Variants in DST observed in about 807,000 individuals in gnomAD.
The protein encoded by DST is bullous pemphigoid antigen.
DST carries 253 observed loss-of-function variants against 875.2 expected under a neutral mutation model. That is an observed-to-expected ratio of 0.29 (90% CI 0.26 to 0.32). The LOEUF is 0.32. DST is among the 10% of genes least tolerant of loss of function. The pLI is 1.00. For synonymous variants in DST, 3,124 were observed against 3,197.1 expected (o/e 0.98, Z 0.77); for missense variants, 8,287 against 9,111.6 (o/e 0.91, Z 3.68).
intron 3 of DST, among the ~76,000 whole-genome samples, chr6:56,872,873 C>A (rs1193993408): frequency 2.0e-4 from 25 of 127,076 alleles, no homozygotes; most frequent in Non-Finnish European, 3.7e-4. Context: ...GTGGGAACTA[C>A]TATATGCTAG....
At chr6:56,520,046 G>C (rs2096666360) in intron 69 of DST, among the ~76,000 whole-genome samples, 1 of 151,992 alleles carries the variant, frequency 6.6e-6, no homozygotes, top group South Asian at 2.1e-4. Context: ...CAAAGAAAAA[G>C]AATATACAGT....
rs371898001 is a variant in DST, at chr6:56,604,902, G to T, written c.9726C>A (p.Ile3242=). The T allele has an allele frequency of 8.1e-6, 13 of 1,612,346 alleles. No homozygotes were observed. The Admixed American group carries it at 2.2e-4, about 27-fold the overall frequency. The change falls in exon 40 of 104, where the codon ATC becomes ATA. Residue 3242 remains isoleucine (I), a synonymous_variant. Transcript: ENST00000680361. ...TQKDSPLNDM[I]QSNDLCSKES... ...CTTTACTACAAAGATCATTGCTTTG[G>T]ATCATGTCATTAAGAGGTGAGTCTT...
intron 27 of DST, 101 bp downstream of exon 27, chr6:56,634,031 G>A (rs1006206572): frequency 5.5e-5 from 74 of 1,348,424 alleles, no homozygotes; most frequent in Middle Eastern, 1.8e-4. Context: ...TGGATTTGCC[G>A]GACTCCATCC....
intron 4 of DST, among the ~76,000 whole-genome samples, chr6:56,801,915 A>G (rs1458033062): frequency 6.6e-6 from 1 of 151,732 alleles, no homozygotes; most frequent in Non-Finnish European, 1.5e-5. Flanking sequence ...ACACCTGGCT[A>G]ATTTTTGTAT....
intron 4 of DST, among the ~76,000 whole-genome samples, chr6:56,834,063 A>G (rs1167167801): frequency 1.3e-5 from 2 of 152,158 alleles, no homozygotes; most frequent in African/African-American, 4.8e-5. Flanking sequence ...CCCTGTCTCT[A>G]TATAACATAA....
chr6:56,656,683 G>C (rs1231590406), intron 10 of DST, among the ~76,000 whole-genome samples: 1 of 152,136 alleles, frequency 6.6e-6, no homozygotes, highest in African/African-American at 2.4e-5. Context: ...TACAGAGCCT[G>C]ATTTCTTCTC....
chr6:56,912,290 G>C (rs1013430611), intron 2 of DST, among the ~76,000 whole-genome samples: 2 of 151,978 alleles, frequency 1.3e-5, no homozygotes, highest in African/African-American at 4.8e-5. Flanking sequence ...CTCTAATCCT[G>C]ACCTGTCTAA....
At chr6:56,761,306 C>G (rs577516287) in intron 4 of DST, among the ~76,000 whole-genome samples, 59 of 152,172 alleles carry the variant, frequency 3.9e-4, no homozygotes, top group African/African-American at 1.4e-3. Flanking sequence ...AGTTATTAAA[C>G]GCTTACTGAT....
intron 99 of DST, among the ~76,000 whole-genome samples, chr6:56,465,374 G>T (rs1438646764): frequency 6.6e-6 from 1 of 152,020 alleles, no homozygotes; most frequent in African/African-American, 2.4e-5. Context: ...TTTTTTCTTG[G>T]GGGGGAAGAA....
chr6:56,881,757 C>T (rs1004430476), intron 3 of DST, among the ~76,000 whole-genome samples: 8 of 151,832 alleles, frequency 5.3e-5, no homozygotes, highest in African/African-American at 1.7e-4. Context: ...AAAATTTAAT[C>T]CAAGTGATAT....
intron 4 of DST, among the ~76,000 whole-genome samples, chr6:56,776,811 C>T (rs1470706586): frequency 6.6e-6 from 1 of 152,108 alleles, no homozygotes; most frequent in Non-Finnish European, 1.5e-5. Context: ...CTTACTGGCA[C>T]TAAATGACCT....
intron 49 of DST, among the ~76,000 whole-genome samples, chr6:56,589,749 G>A (rs962088872): frequency 6.6e-6 from 1 of 152,242 alleles, no homozygotes; most frequent in Non-Finnish European, 1.5e-5. Context: ...ATCTTGAGGA[G>A]TGTTATTATG....
chr6:56,481,898 A>G (rs2095414329), intron 90 of DST, among the ~76,000 whole-genome samples, 152 bp downstream of exon 90: 1 of 152,106 alleles, frequency 6.6e-6, no homozygotes, highest in Admixed American at 6.5e-5. Context: ...TATGTAAGCA[A>G]TGTGGACAGA....
intron 61 of DST, among the ~76,000 whole-genome samples, chr6:56,546,355 T>TATATATATATATATATTTC (rs1562694653): frequency 7.8e-5 from 4 of 51,602 alleles, no homozygotes; most frequent in African/African-American, 4.1e-4. Flanking sequence ...TTCATATATA[T>TATATATATATATATATTTC]ATATATATAT....
chr6:56,634,334 T>A, intron 26 of DST, 76 bp from the exon 27 acceptor site: 1 of 1,609,540 alleles, frequency 6.2e-7, no homozygotes, highest in African/African-American at 1.3e-5. Context: ...TCTTTTTGTG[T>A]GAAATATTCC....
At chr6:56,737,974 T>C (rs547320423) in intron 4 of DST, among the ~76,000 whole-genome samples, 5 of 152,208 alleles carry the variant, frequency 3.3e-5, no homozygotes, top group African/African-American at 9.6e-5. Context: ...CAATGGTCTG[T>C]TCAAATTCAA....
chr6:56,713,059 C>T (rs1463693725), intron 5 of DST, among the ~76,000 whole-genome samples: 2 of 152,150 alleles, frequency 1.3e-5, no homozygotes, highest in Non-Finnish European at 2.9e-5. Context: ...GTCACTTTAC[C>T]AGACTGACTT....
At chr6:56,534,025 T>C (rs1056260240) in intron 63 of DST, among the ~76,000 whole-genome samples, 4 of 152,174 alleles carry the variant, frequency 2.6e-5, no homozygotes, top group Non-Finnish European at 5.9e-5. Context: ...ATTAAATCAA[T>C]CTGATTGACA....
At chr6:56,463,993 G>T (rs1348539982) in intron 100 of DST, 1 of 635,858 alleles carries the variant, frequency 1.6e-6, no homozygotes, top group South Asian at 1.5e-5. Flanking sequence ...AATAAAGTGT[G>T]CTTATTCTAA....
Sources: allele counts gnomAD v4.1 joint callset (sites outside exome capture counted in the v4.1 genomes callset), GRCh38; gene constraint gnomAD v4.1.1; transcripts MANE v1.5; gene names NCBI Gene and HGNC (gene_info 2026-07-23, HGNC 2026-07-21).